Variants in ZNF236 observed in about 807,000 individuals in gnomAD.
ZNF236 encodes zinc finger protein 236, also known as regulated by glucose.
In ZNF236, 50 loss-of-function variants were observed where a neutral mutation model predicts 191.2. The ratio of observed to expected loss-of-function variants is 0.26; its 90% CI spans 0.21 to 0.33. ZNF236 has a LOEUF of 0.33. Ranked by LOEUF, ZNF236 falls within the 10% of genes least tolerant of loss-of-function variation. The pLI is 1.00. For missense variants in ZNF236, 1,754 were observed against 2,374.5 expected, an observed-to-expected ratio of 0.74 and a Z score of 5.43; for synonymous variants, 907 against 928.8, an observed-to-expected ratio of 0.98 and a Z score of 0.43.
rs376963083 is a variant in ZNF236, at chr18:76,868,835, G to A, written c.514G>A (p.Glu172Lys). 34 of 1,612,202 alleles carry A rather than the reference G, an allele frequency of 2.1e-5. No homozygotes were observed. The highest frequency in any genetic ancestry group is 2.8e-5 in the Non-Finnish European group (33 of 1,179,690). The change falls in exon 4 of 31, where the codon GAA (glutamate) becomes AAA (lysine). Residue 172 changes from glutamate (E) to lysine (K), a missense_variant. Around this residue, in one of 5 missense-constraint regions of ZNF236, gnomAD observed 336 missense variants for 495.1 expected, o/e 0.68. Transcript: ENST00000320610. Reference sequence around the variant, plus strand: ...GTTCGAGACCTCCTCGGAGCTGAAGGAACACATGAAGACTCATTACAAAAT... The same window carrying A: ...GTTCGAGACCTCCTCGGAGCTGAAGAAACACATGAAGACTCATTACAAAAT... Reference protein sequence around the residue: ...KEFETSSELKEHMKTHYKIRV... With the variant: ...KEFETSSELKKHMKTHYKIRV...
At position 76,959,903 on chromosome 18, in the gene ZNF236, C is replaced by T. The variant is rs569840777; in HGVS notation, c.5242+87C>T. The T allele has an allele frequency of 5.0e-5, 72 of 1,444,514 alleles. No homozygotes were observed. The African/African-American group carries it at 8.9e-4, about 18-fold the overall frequency. 89.5% of individuals were successfully genotyped at this position (1,444,514 alleles called of 1,614,324 possible). Reference sequence around the variant, plus strand: ...AACATAATTCCACCTGTGCAATATTCACGAGCGATGGAATGCTTTATTTAT... The same window carrying T: ...AACATAATTCCACCTGTGCAATATTTACGAGCGATGGAATGCTTTATTTAT... On this transcript the variant is annotated intron_variant, in intron 29 of 30. Transcript: ENST00000320610.
At chr18:76,858,284 T>C (rs1292148143) in intron 3 of ZNF236, among the ~76,000 whole-genome samples, 1 of 152,240 alleles carries the variant, frequency 6.6e-6, no homozygotes, top group East Asian at 1.9e-4. Context: ...AGTGAAGATT[T>C]GAAATAATAG....
In ZNF236 at chr18:76,899,152, C is replaced by G. The variant is rs199551972; in HGVS notation, c.1824C>G (p.Val608=). The change falls in exon 11 of 31, where the codon GTC becomes GTG. Residue 608 remains valine (V), a synonymous_variant. Transcript: ENST00000320610. ...GGCACCAGCGTAAACCTGCAAAGGT[C>G]CGTGTTGGCAAGACGAATATTCCAG... The part of the protein sequence containing the change: ...KMRHQRKPAK[V]RVGKTNIPVP... 324 of 1,614,038 alleles carry G rather than the reference C, an allele frequency of 2.0e-4. No individual in the cohort carries two copies. Among genetic ancestry groups the G allele is most frequent in the Admixed American group, 2.0e-4 (12 of 59,990 alleles).
intron 27 of ZNF236, among the ~76,000 whole-genome samples, chr18:76,949,096 G>A (rs1209531012): frequency 6.6e-6 from 1 of 152,186 alleles, no homozygotes; most frequent in African/African-American, 2.4e-5. Flanking sequence ...AGCATTGGCA[G>A]CTTGGTCATA....
At chr18:76,896,782 A>G (rs1250117370) in intron 10 of ZNF236, among the ~76,000 whole-genome samples, 1 of 151,916 alleles carries the variant, frequency 6.6e-6, no homozygotes, top group East Asian at 1.9e-4. Flanking sequence ...CAGGTACTGC[A>G]TACAGGTATG....
At chr18:76,822,977 C>G (rs1416537742) in intron 1 of ZNF236, among the ~76,000 whole-genome samples, 2 of 148,912 alleles carry the variant, frequency 1.3e-5, no homozygotes, top group African/African-American at 4.9e-5. Context: ...CCCGCTGGCC[C>G]TGCCGCGGCC....
In ZNF236 at chr18:76,849,402, G is replaced by A. The variant is rs772831411; in HGVS notation, c.56-124G>A. On this transcript the variant is annotated intron_variant, in intron 1 of 30. Coordinates refer to ENST00000320610, the MANE Select transcript of ZNF236 (RefSeq NM_001306089.2). ...AAAAATTCAGTATATCATTAATTTC[G>A]TCTAAAATGTCACATAAATCTCTGA... is the stretch of plus-strand genomic sequence containing the variant. The A allele has an allele frequency of 1.1e-4, 78 of 707,092 alleles. 2 individuals carry two copies. The highest frequency in any genetic ancestry group is 2.8e-4 in the South Asian group (9 of 32,370). The allele number at this position is 707,092 out of a possible 1,614,324, so 43.8% of individuals were successfully genotyped here.
rs1255278369 is a variant in ZNF236 at position 76,969,661 on chromosome 18, G to A, written c.*1322G>A. 1 of 151,472 alleles carries A rather than the reference G, an allele frequency of 6.6e-6. No individual in the cohort carries two copies. Among genetic ancestry groups the A allele is most frequent in the African/African-American group, 2.4e-5 (1 of 41,006 alleles). The allele number at this position is 151,472 out of a possible 1,614,324, so 9.4% of individuals were successfully genotyped here. ...ATAATTGCCTTTATTTTCTCTCGTT[G>A]CCTCCTTGGTTTCAGAAGAGAGTAG... On this transcript the variant is annotated 3_prime_UTR_variant, in exon 31 of 31. Transcript: ENST00000320610.
chr18:76,967,949 C>T (rs1968825363), intron 30 of ZNF236, among the ~76,000 whole-genome samples: 1 of 152,142 alleles, frequency 6.6e-6, no homozygotes. Context: ...ATTGCTCATT[C>T]CTGATGCTGT....
intron 16 of ZNF236, among the ~76,000 whole-genome samples, chr18:76,911,615 A>G (rs765070738): frequency 6.6e-6 from 1 of 152,210 alleles, no homozygotes; most frequent in Non-Finnish European, 1.5e-5. Flanking sequence ...CTTGCTGCCC[A>G]GGGGTGGATG....
chr18:76,886,180 C>G lies in ZNF236; in HGVS notation c.1417+4668C>G, dbSNP rs149229396. The stretch of plus-strand genomic sequence containing the variant: ...TCTTCAGTAAGGACTGCTAACCATT[C>G]TCAGTGGAGAAAGCCCTGATAAGTC... On this transcript the variant is annotated intron_variant, in intron 9 of 30. Transcript: ENST00000320610. 3 of 152,324 alleles carry G rather than the reference C, an allele frequency of 2.0e-5. No individual in the cohort carries two copies. The East Asian group carries it at 5.8e-4, about 29-fold the overall frequency. 9.4% of individuals were successfully genotyped at this position (152,324 alleles called of 1,614,324 possible).
At chr18:76,873,045 C>G (rs909570526) in intron 5 of ZNF236, among the ~76,000 whole-genome samples, 1 of 151,810 alleles carries the variant, frequency 6.6e-6, no homozygotes, top group African/African-American at 2.4e-5. Context: ...TATTTATTTT[C>G]TAGAGTAAGA....
intron 21 of ZNF236, among the ~76,000 whole-genome samples, chr18:76,923,487 AG>A: frequency 6.6e-6 from 1 of 152,244 alleles, no homozygotes; most frequent in Non-Finnish European, 1.5e-5. Context: ...AAAGAGGTTT[AG>A]TTTGTTGAGG....
Position 76,895,137 on chromosome 18 carries a change from C to T in ZNF236, c.1542C>T (p.Cys514=). ...ACACCCACGAGAAGCCCTTCAAGTGCCCGCAGTGCTTCCGCGCCTTCGCCG... is the reference window on the plus strand; with the variant it reads ...ACACCCACGAGAAGCCCTTCAAGTGTCCGCAGTGCTTCCGCGCCTTCGCCG... ...RIHTHEKPFK[C]PQCFRAFAVK... Residue 514 remains cysteine (C), a synonymous_variant, in exon 10 of 31, where the codon TGC becomes TGT. Coordinates refer to ENST00000320610, the MANE Select transcript of ZNF236 (RefSeq NM_001306089.2). The T allele has an allele frequency of 6.2e-7, 1 of 1,610,760 alleles. No individual in the cohort carries two copies.
At position 76,960,692 on chromosome 18, in the gene ZNF236, C is replaced by A; in HGVS notation, c.5256C>A (p.Phe1752Leu). 2.5e-6 allele frequency: 4 copies of A among 1,614,200 alleles called. No individual in the cohort carries two copies. The highest frequency in any genetic ancestry group is 3.4e-6 in the Non-Finnish European group (4 of 1,180,040). Residue 1752 changes from phenylalanine to leucine, a missense_variant, in exon 30 of 31, where the codon TTC becomes TTA. Phe to Leu is a conservative substitution (Grantham distance 22). Transcript: ENST00000320610. The surrounding 1 kb of genome is among the most constrained non-coding windows in gnomAD (Gnocchi z 4.4). ...TTTTCTGTACAGGGGAGCGGCCGTT[C>A]CATTGCACGCTTTGTGAGAAAGCCT... ...HSRIHTGERP[F>L]HCTLCEKAFN...
chr18:76,894,315 C>T (rs375815699), intron 9 of ZNF236, among the ~76,000 whole-genome samples: 2 of 152,214 alleles, frequency 1.3e-5, no homozygotes, highest in Admixed American at 1.3e-4. Context: ...CTTTGTCCCA[C>T]GCACTCACGC....
intron 21 of ZNF236, 123 bp downstream of exon 21, chr18:76,923,297 C>A: frequency 3.2e-6 from 2 of 619,934 alleles, no homozygotes; most frequent in Non-Finnish European, 2.7e-6. Context: ...AATGAGGCAC[C>A]AAGAAGGAAG....
chr18:76,898,204 T>G (rs1440251888), intron 10 of ZNF236: 1 of 152,230 alleles, frequency 6.6e-6, no homozygotes, highest in East Asian at 1.9e-4. Flanking sequence ...AGCTCCATTT[T>G]TTTTAATGAC....
chr18:76,952,310 C>T (rs1968428500), intron 27 of ZNF236, among the ~76,000 whole-genome samples: 1 of 152,190 alleles, frequency 6.6e-6, no homozygotes, highest in Non-Finnish European at 1.5e-5. Context: ...GTAAATTTCC[C>T]TTGTTAGGTT....
Sources: allele counts gnomAD v4.1 joint callset (sites outside exome capture counted in the v4.1 genomes callset), GRCh38; gene constraint gnomAD v4.1.1; regional missense constraint gnomAD v4.1.1; non-coding constraint Gnocchi (gnomAD v3.1); transcripts MANE v1.5; gene names NCBI Gene and HGNC (gene_info 2026-07-23, HGNC 2026-07-21).